ZNF557: variants seen among roughly 807,000 people sequenced by gnomAD.
ZNF557 encodes the protein zinc finger protein 557, also known as CTB-25J19.9.
ZNF557 carries 19 observed loss-of-function variants against 21.2 expected under a neutral mutation model. The ratio of observed to expected loss-of-function variants is 0.90; its 90% confidence interval spans 0.63 to 1.32. The LOEUF (loss-of-function observed/expected upper bound fraction) is 1.32, where lower values mean the gene tolerates loss of function less well. Among genes scored for constraint, ZNF557 ranks in the 40% most tolerant of loss-of-function variants. The pLI is 0.00. For synonymous variants in ZNF557, 207 were observed against 194.8 expected (o/e 1.06, Z -0.52); for missense variants, 487 against 519.8 (o/e 0.94, Z 0.61).
Position 7,081,463 on chromosome 19 carries a change from C to T in ZNF557, c.343+8C>T, listed in dbSNP as rs1977704470. On this transcript the variant is annotated splice_region_variant and intron_variant, in intron 6 of 7. Coordinates refer to ENST00000252840, the MANE Select transcript of ZNF557 (RefSeq NM_024341.3). ...TCTCAGGTACCTGTCCAGGTGAGCA[C>T]CAGGTGGATATAAGTCCTTGTGAGG... The T allele has an allele frequency of 1.3e-6, 2 of 1,596,538 alleles. No homozygotes were observed. The highest frequency in any genetic ancestry group is 1.7e-6 in the Non-Finnish European group (2 of 1,164,918).
chr19:7,073,354 C>G (rs911740030), intron 2 of ZNF557, among the ~76,000 whole-genome samples: 6 of 151,992 alleles, frequency 3.9e-5, no homozygotes, highest in Non-Finnish European at 8.8e-5. Context: ...CAAGGTTTCA[C>G]CAACTTGGCC....
At position 7,075,724 on chromosome 19, in the gene ZNF557, T is replaced by G; in HGVS notation, c.101T>G (p.Leu34Arg). 1 of 1,613,482 alleles carries G rather than the reference T, an allele frequency of 6.2e-7. No individual in the cohort carries two copies. The highest frequency in any genetic ancestry group is 1.3e-5 in the African/African-American group (1 of 75,008). Reference protein sequence around the residue: ...HTEGGELVNELLKSWLKGLVT... With the variant: ...HTEGGELVNERLKSWLKGLVT... ...GAGGGCGGAGAGCTGGTTAATGAGC[T>G]CCTGAAAAGCTGGCTAAAGGTGAGT... Residue 34 changes from leucine to arginine, a missense_variant, in exon 4 of 8, where the codon CTC (leucine) becomes CGC (arginine). Physicochemically the swap from Leu to Arg is moderately radical, Grantham distance 102 (BLOSUM62 -2). Transcript: ENST00000252840.
chr19:7,082,074 C>T, intron 7 of ZNF557, 22 bp downstream of exon 7: 1 of 1,592,276 alleles, frequency 6.3e-7, no homozygotes. Context: ...ATGGGTGATT[C>T]CTGGTTTTTT....
intron 2 of ZNF557, among the ~76,000 whole-genome samples, chr19:7,073,146 TG>T (rs1977497955): frequency 1.9e-5 from 2 of 106,182 alleles, no homozygotes; most frequent in African/African-American, 8.2e-5. Context: ...TTTGTTTTTT[TG>T]GTTTTTTTTG....
chr19:7,076,324 C>T (rs1977586789), intron 4 of ZNF557, 57 bp from the exon 5 acceptor site: 2 of 1,614,040 alleles, frequency 1.2e-6, no homozygotes, highest in Non-Finnish European at 8.5e-7. Flanking sequence ...GCCCCTCTTC[C>T]TGTGCACATT....
chr19:7,083,198 A>C lies in ZNF557; in HGVS notation c.747A>C (p.Ser249=). Residue 249 remains serine, a synonymous_variant, in exon 8 of 8, where the codon TCA becomes TCC. Coordinates refer to ENST00000252840, the MANE Select transcript of ZNF557 (RefSeq NM_024341.3). ...SDCGKTFSNS[S]YLRPHLRIHT... is the part of the protein sequence containing the mutation. ...GTGGGAAAACCTTCAGCAATTCCTC[A>C]TACCTCAGACCGCACTTGAGAATTC... 6.2e-7 allele frequency: 1 copy of C among 1,614,186 alleles called. No homozygotes were observed.
chr19:7,078,071 T>C (rs1298480259), intron 5 of ZNF557, among the ~76,000 whole-genome samples: 1 of 152,226 alleles, frequency 6.6e-6, no homozygotes, highest in Non-Finnish European at 1.5e-5. Context: ...AATATATCAT[T>C]TTCAAAGATT....
intron 6 of ZNF557, 100 bp from the exon 7 acceptor site, chr19:7,081,870 C>CA (rs1158204143): frequency 2.3e-6 from 2 of 873,662 alleles, no homozygotes; most frequent in African/African-American, 3.4e-5. Context: ...CCTCACCTCT[C>CA]AGATTCTGCC....
chr19:7,082,386 G>A (rs939226842), intron 7 of ZNF557, among the ~76,000 whole-genome samples: 1 of 130,328 alleles, frequency 7.7e-6, no homozygotes, highest in Non-Finnish European at 1.5e-5. Context: ...TTGTGCCACT[G>A]CACTCCAGCC....
chr19:7,082,249 T>C (rs548121495), intron 7 of ZNF557, among the ~76,000 whole-genome samples, 197 bp downstream of exon 7: 2 of 151,832 alleles, frequency 1.3e-5, no homozygotes, highest in East Asian at 3.9e-4. Flanking sequence ...TGAAACCCCA[T>C]CTCTACTAAA....
chr19:7,083,010 A>G lies in ZNF557; in HGVS notation c.559A>G (p.Lys187Glu). Residue 187 changes from lysine (K) to glutamate (E), a missense_variant, in exon 8 of 8, where the codon AAA becomes GAA. Transcript: ENST00000252840. ...ACCCTATGGCTGCAGTGAATGTGGG[A>G]AATCCTACAGCAGTAGATCTTACCT... ...ERPYGCSECG[K>E]SYSSRSYLAV... The G allele has an allele frequency of 2.5e-6, 4 of 1,614,212 alleles. No homozygotes were observed. Among genetic ancestry groups the G allele is most frequent in the Non-Finnish European group, 3.4e-6 (4 of 1,180,038 alleles).
In ZNF557 at chr19:7,087,226, T is replaced by TTTTTTTTTCTTTTTCC. The variant is rs1555730813; in HGVS notation, c.*3482_*3483insTTTTTTTTCTTTTTCC. 1 of 87,560 alleles carries TTTTTTTTTCTTTTTCC rather than the reference T, an allele frequency of 1.1e-5. No homozygotes were observed. Among genetic ancestry groups the TTTTTTTTTCTTTTTCC allele is most frequent in the Non-Finnish European group, 2.1e-5 (1 of 47,462 alleles). 5.4% of individuals were successfully genotyped at this position (87,560 alleles called of 1,614,324 possible). On this transcript the variant is annotated 3_prime_UTR_variant, in exon 8 of 8. Coordinates refer to ENST00000252840, the MANE Select transcript of ZNF557 (RefSeq NM_024341.3). ...GCTTTTTTTTTTTTTTTTTTTTTTT[T>TTTTTTTTTCTTTTTCC]CTTCACTGTGGTGATAAAAACCACA...
chr19:7,072,229 G>C (rs1244667219), intron 2 of ZNF557, among the ~76,000 whole-genome samples: 1 of 151,762 alleles, frequency 6.6e-6, no homozygotes, highest in Non-Finnish European at 1.5e-5. Context: ...TTCGAGACCA[G>C]CCTGGCCAAC....
chr19:7,082,083 T>C (rs1977720291), intron 7 of ZNF557, 31 bp downstream of exon 7: 1 of 1,569,392 alleles, frequency 6.4e-7, no homozygotes. Flanking sequence ...TCCTGGTTTT[T>C]TTCATGGTAG....
chr19:7,075,597 ATG>A, intron 3 of ZNF557, 56 bp from the exon 4 acceptor site: 1 of 1,568,018 alleles, frequency 6.4e-7, no homozygotes, highest in East Asian at 2.3e-5. Flanking sequence ...AAGCCTCCAG[ATG>A]TGTGAGTGGA....
chr19:7,075,959 G>A (rs1371578685), intron 4 of ZNF557, among the ~76,000 whole-genome samples: 1 of 152,102 alleles, frequency 6.6e-6, no homozygotes, highest in Admixed American at 6.5e-5. Flanking sequence ...GTGCTCCTGA[G>A]AGTTTTAAGG....
intron 5 of ZNF557, among the ~76,000 whole-genome samples, chr19:7,079,018 C>A (rs1977638200): frequency 6.6e-6 from 1 of 151,874 alleles, no homozygotes; most frequent in Admixed American, 6.6e-5. Context: ...TATTTGGCTC[C>A]TTTTTATAAT....
At chr19:7,075,834 A>T in intron 4 of ZNF557, 91 bp downstream of exon 4, 1 of 1,548,270 alleles carries the variant, frequency 6.5e-7, no homozygotes, top group Non-Finnish European at 8.8e-7. Flanking sequence ...CCCACGGCCA[A>T]ACTTGTTCCT....
At chr19:7,073,170 T>TTG (rs34057380) in intron 2 of ZNF557, among the ~76,000 whole-genome samples, 1 of 150,420 alleles carries the variant, frequency 6.6e-6, no homozygotes, top group Non-Finnish European at 1.5e-5. Context: ...TTTTTTTTTT[T>TTG]GAGATGGAGT....
Sources: gnomAD v4.1 joint callset for allele counts (sites outside exome capture counted in the v4.1 genomes callset) on GRCh38, gnomAD v4.1.1 for gene constraint, MANE v1.5 for transcripts, NCBI Gene and HGNC (gene_info 2026-07-23, HGNC 2026-07-21) for gene names.